The following PKNOX1 variants were observed in gnomAD, a reference collection of about 807,000 sequenced individuals.
The protein encoded by PKNOX1 is PBX/knotted 1 homeobox 1.
In PKNOX1, 15 loss-of-function variants were observed where a neutral mutation model predicts 51.9. That is an observed-to-expected ratio of 0.29 (90% confidence interval 0.19 to 0.45). The LOEUF (loss-of-function observed/expected upper bound fraction) is 0.45, where lower values mean the gene tolerates loss of function less well. Among genes scored for constraint, PKNOX1 ranks in the 20% least tolerant of loss-of-function variants. The pLI is 1.00. For missense variants in PKNOX1, 462 were observed against 547.5 expected (o/e 0.84, Z 1.56); for synonymous variants, 219 against 211.1 (o/e 1.04, Z -0.32).
rs550329714 is a variant in PKNOX1, at chr21:43,007,213, G to A, written c.52-278G>A. On this transcript the variant is annotated intron_variant, in intron 2 of 10. Transcript: ENST00000291547. ...CAATAGACGGAGGAGTAGATTGCACGTGTGCCGTTCTCTTCATTAGGCCAT... is the reference window on the plus strand; with the variant it reads ...CAATAGACGGAGGAGTAGATTGCACATGTGCCGTTCTCTTCATTAGGCCAT... Among the ~76,000 whole-genome samples the A allele has an allele frequency of 1.6e-4, 25 of 152,340 alleles. No homozygotes were observed. In the South Asian group the frequency reaches 5.0e-3, roughly 30 times the overall value.
chr21:42,975,052 C>CGGGGGG (rs1568883287), intron 1 of PKNOX1, among the ~76,000 whole-genome samples: 1 of 141,102 alleles, frequency 7.1e-6, no homozygotes, highest in African/African-American at 2.5e-5. Flanking sequence ...CGGCGCGGGG[C>CGGGGGG]GGGGGCGCGC....
rs1167320017 is a variant in PKNOX1 at position 43,018,121 on chromosome 21, C to T, written c.623-12C>T. 8.0e-6 allele frequency: 11 copies of T among 1,382,908 alleles called. No homozygotes were observed. Among genetic ancestry groups the T allele is most frequent in the Middle Eastern group, 3.8e-4 (2 of 5,258 alleles). The allele number at this position is 1,382,908 out of a possible 1,614,324, so 85.7% of individuals were successfully genotyped here. A position where few individuals can be genotyped will look rare whatever the true frequency, so the allele number is the denominator to read the frequency against. ...TTAAAAGCAGCCTCATATTTTTATT[C>T]TCCCTTTCGAGGTGGCACAGTGTAT... On this transcript the variant is annotated splice_polypyrimidine_tract_variant and intron_variant, in intron 6 of 10. Transcript: ENST00000291547.
In PKNOX1 at chr21:43,013,669, A is replaced by G. The variant is rs188740585; in HGVS notation, c.522+431A>G. On this transcript the variant is annotated intron_variant, in intron 5 of 10. Coordinates refer to ENST00000291547, the MANE Select transcript of PKNOX1 (RefSeq NM_004571.5). ...AGAACTTTCTCATCTTCTCAAACTC[A>G]AACTCTGACCCCATTAAACACTCAT... 4.4e-3 allele frequency among the ~76,000 whole-genome samples: 673 copies of G among 152,156 alleles called. 4 individuals carry two copies. Among genetic ancestry groups the G allele is most frequent in the African/African-American group, 0.015 (639 of 41,502 alleles).
intron 1 of PKNOX1, among the ~76,000 whole-genome samples, chr21:42,982,236 G>A (rs2059030627): frequency 6.6e-6 from 1 of 152,198 alleles, no homozygotes; most frequent in Non-Finnish European, 1.5e-5. Context: ...CCTGCACAAG[G>A]AAGGCCCCCT....
intron 1 of PKNOX1, among the ~76,000 whole-genome samples, chr21:42,977,488 G>T (rs1185568094): frequency 1.3e-5 from 2 of 150,946 alleles, no homozygotes; most frequent in Non-Finnish European, 2.9e-5. Flanking sequence ...CGTGTTATGG[G>T]GACAGCTTCT....
intron 1 of PKNOX1, among the ~76,000 whole-genome samples, 160 bp downstream of exon 1, chr21:42,974,824 CG>C (rs2058983500): frequency 6.7e-6 from 1 of 148,934 alleles, no homozygotes; most frequent in Non-Finnish European, 1.5e-5. Context: ...ACCCGCCGCC[CG>C]GGGCAGGGGG....
intron 1 of PKNOX1, among the ~76,000 whole-genome samples, chr21:42,987,452 T>C (rs2059060048): frequency 1.4e-5 from 2 of 142,122 alleles, no homozygotes; most frequent in South Asian, 2.2e-4. Flanking sequence ...TTCTGACTCC[T>C]CTGGGTACTA....
chr21:42,989,988 A>G (rs985060416), intron 1 of PKNOX1, among the ~76,000 whole-genome samples: 3 of 151,598 alleles, frequency 2.0e-5, no homozygotes, highest in African/African-American at 7.3e-5. Context: ...GGTTCCAGCT[A>G]CTCCGGGGCT....
At chr21:42,975,214 G>A (rs966591569) in intron 1 of PKNOX1, among the ~76,000 whole-genome samples, 9 of 148,972 alleles carry the variant, frequency 6.0e-5, no homozygotes, top group Non-Finnish European at 1.0e-4. Flanking sequence ...CGGGGCGCGC[G>A]GCGGCGCAGG....
chr21:43,025,114 T>G (rs1264313307), intron 9 of PKNOX1, among the ~76,000 whole-genome samples, 167 bp downstream of exon 9: 2 of 152,192 alleles, frequency 1.3e-5, no homozygotes, highest in Non-Finnish European at 2.9e-5. Context: ...CTCGAACTCC[T>G]GGCCTCAAGT....
At chr21:42,978,017 C>A (rs764437208) in intron 1 of PKNOX1, among the ~76,000 whole-genome samples, 2 of 151,866 alleles carry the variant, frequency 1.3e-5, no homozygotes, top group Non-Finnish European at 2.9e-5. Context: ...ACTTTCTTTC[C>A]CTCCCTCCCT....
intron 4 of PKNOX1, among the ~76,000 whole-genome samples, chr21:43,011,134 C>T (rs1477791440): frequency 7.0e-6 from 1 of 142,522 alleles, no homozygotes; most frequent in African/African-American, 2.6e-5. Flanking sequence ...GTGGTGTGAT[C>T]TCAGCTCACT....
At chr21:43,027,623 A>G (rs1312270414) in intron 9 of PKNOX1, among the ~76,000 whole-genome samples, 1 of 152,198 alleles carries the variant, frequency 6.6e-6, no homozygotes, top group Non-Finnish European at 1.5e-5. Context: ...CTGCCTTGCC[A>G]ACCTGTGACT....
rs138151519 is a variant in PKNOX1 at position 43,018,158 on chromosome 21, G to A, written c.648G>A (p.Thr216=). 6.8e-5 allele frequency: 109 copies of A among 1,612,298 alleles called. No individual in the cohort carries two copies. The highest frequency in any genetic ancestry group is 5.6e-4 in the African/African-American group (42 of 74,628). ...VAGGTVYQPV[T]VVTPQGQVVT... is the part of the protein sequence containing the mutation. ...GTGGCACAGTGTATCAGCCTGTCACGGTCGTCACTCCCCAAGGCCAAGTGG... is the reference window on the plus strand; with the variant it reads ...GTGGCACAGTGTATCAGCCTGTCACAGTCGTCACTCCCCAAGGCCAAGTGG... The change falls in exon 7 of 11, where the codon ACG becomes ACA. Residue 216 remains threonine, a synonymous_variant. Transcript: ENST00000291547.
At chr21:42,995,557 A>G (rs1225014296) in intron 1 of PKNOX1, among the ~76,000 whole-genome samples, 1 of 152,068 alleles carries the variant, frequency 6.6e-6, no homozygotes, top group Non-Finnish European at 1.5e-5. Flanking sequence ...ATGTGCCTAT[A>G]GTTCTAGCTA....
At chr21:42,979,307 CAG>C (rs2059014319) in intron 1 of PKNOX1, among the ~76,000 whole-genome samples, 1 of 147,968 alleles carries the variant, frequency 6.8e-6, no homozygotes, top group Non-Finnish European at 1.5e-5. Context: ...AAATGTAACA[CAG>C]ACACAAAGTG....
intron 1 of PKNOX1, among the ~76,000 whole-genome samples, chr21:43,001,567 C>T (rs1452657798): frequency 6.6e-6 from 1 of 152,164 alleles, no homozygotes; most frequent in Non-Finnish European, 1.5e-5. Context: ...GCTGTGTCCT[C>T]CTGTCTCCCT....
At chr21:42,994,682 T>C (rs1194007105) in intron 1 of PKNOX1, among the ~76,000 whole-genome samples, 1 of 152,116 alleles carries the variant, frequency 6.6e-6, no homozygotes, top group Admixed American at 6.5e-5. Context: ...AAGTTTTGGA[T>C]ATCATGGTCA....
intron 1 of PKNOX1, among the ~76,000 whole-genome samples, chr21:42,999,544 A>G (rs1978654667): frequency 6.6e-6 from 1 of 151,940 alleles, no homozygotes; most frequent in Non-Finnish European, 1.5e-5. Flanking sequence ...GTAGTGGCAC[A>G]ATCTTGGTTC....
Sources: allele counts gnomAD v4.1 joint callset (sites outside exome capture counted in the v4.1 genomes callset), GRCh38; gene constraint gnomAD v4.1.1; transcripts MANE v1.5; gene names NCBI Gene and HGNC (gene_info 2026-07-23, HGNC 2026-07-21).